Variants in ATRNL1 observed in about 807,000 individuals in gnomAD.
ATRNL1 encodes attractin like 1.
In ATRNL1, 95 loss-of-function variants were observed where a neutral mutation model predicts 182.7. The observed-to-expected ratio is 0.52, with a 90% CI of 0.44 to 0.62. The LOEUF is 0.62. Ranked by LOEUF, ATRNL1 falls within the 20% of genes least tolerant of loss-of-function variation. The pLI is 0.00. For synonymous variants in ATRNL1, 576 were observed against 568.3 expected (o/e 1.01, Z -0.19); for missense variants, 1,471 against 1,679.5 (o/e 0.88, Z 2.17).
chr10:115,261,596 C>T (rs143792844), intron 10 of ATRNL1, among the ~76,000 whole-genome samples: 1 of 152,086 alleles, frequency 6.6e-6, no homozygotes, highest in East Asian at 1.9e-4. Flanking sequence ...GGAGAAATAG[C>T]AGTAGATATA....
At chr10:115,789,801 A>G (rs2134208313) in intron 27 of ATRNL1, among the ~76,000 whole-genome samples, 1 of 152,324 alleles carries the variant, frequency 6.6e-6, no homozygotes. Flanking sequence ...TCGAAGTAAA[A>G]GTCAAAACAA....
intron 18 of ATRNL1, among the ~76,000 whole-genome samples, chr10:115,332,776 T>G (rs1020525348): frequency 4.3e-4 from 65 of 152,210 alleles, no homozygotes; most frequent in Non-Finnish European, 3.2e-4. Context: ...CCTCTCACTT[T>G]CAGATTTTCT....
At chr10:115,851,847 A>G (rs1951064559) in intron 28 of ATRNL1, among the ~76,000 whole-genome samples, 2 of 152,102 alleles carry the variant, frequency 1.3e-5, no homozygotes, top group Non-Finnish European at 2.9e-5. Flanking sequence ...TTCTGACCTC[A>G]AAGTGGTTGA....
intron 26 of ATRNL1, among the ~76,000 whole-genome samples, chr10:115,646,446 C>T (rs1249681421): frequency 6.6e-6 from 1 of 151,974 alleles, no homozygotes; most frequent in Non-Finnish European, 1.5e-5. Flanking sequence ...GCTTCATTTT[C>T]TAGACTCTAC....
intron 21 of ATRNL1, among the ~76,000 whole-genome samples, chr10:115,451,094 C>G (rs1847258802): frequency 6.6e-6 from 1 of 152,144 alleles, no homozygotes; most frequent in Non-Finnish European, 1.5e-5. Context: ...TGGACCCCTT[C>G]CTTACACCAT....
chr10:115,562,045 C>A (rs1482222221), intron 26 of ATRNL1, among the ~76,000 whole-genome samples: 1 of 151,934 alleles, frequency 6.6e-6, no homozygotes, highest in Admixed American at 6.6e-5. Context: ...AAAATGAAAA[C>A]GTAGGTCTAT....
intron 28 of ATRNL1, among the ~76,000 whole-genome samples, chr10:115,861,661 G>A (rs1243091270): frequency 6.6e-6 from 1 of 152,120 alleles, no homozygotes; most frequent in Non-Finnish European, 1.5e-5. Context: ...AGTCTTAGTA[G>A]TCATTTCGCA....
At chr10:115,593,345 A>G (rs920914947) in intron 26 of ATRNL1, among the ~76,000 whole-genome samples, 1 of 152,212 alleles carries the variant, frequency 6.6e-6, no homozygotes, top group Non-Finnish European at 1.5e-5. Context: ...CCCAAAATCT[A>G]TACAAAACTA....
intron 1 of ATRNL1, among the ~76,000 whole-genome samples, chr10:115,104,655 GTAGTAGTTTCA>G (rs1210444208): frequency 1.3e-5 from 2 of 152,004 alleles, no homozygotes; most frequent in Non-Finnish European, 2.9e-5. Flanking sequence ...TCCCAATGTT[GTAGTAGTTTCA>G]TAGTTTGAGG....
chr10:115,345,489 G>A (rs1855935981), intron 19 of ATRNL1, among the ~76,000 whole-genome samples: 1 of 152,194 alleles, frequency 6.6e-6, no homozygotes, highest in South Asian at 2.1e-4. Flanking sequence ...GGAGAGGGCT[G>A]ATGTTGGCAA....
chr10:115,262,181 T>C (rs1851421877), intron 10 of ATRNL1, among the ~76,000 whole-genome samples: 1 of 151,618 alleles, frequency 6.6e-6, no homozygotes, highest in African/African-American at 2.4e-5. Flanking sequence ...TGGATTTTTT[T>C]TTTTTTTGAT....
chr10:115,341,814 T>C (rs1238254506), intron 19 of ATRNL1, among the ~76,000 whole-genome samples: 2 of 152,158 alleles, frequency 1.3e-5, no homozygotes, highest in African/African-American at 4.8e-5. Flanking sequence ...ATCTGTTTTG[T>C]TTGATGTAAG....
At chr10:115,283,497 AAGCCTTTAAACAGTGCGATGTGCAT>A (rs1852467937) in intron 14 of ATRNL1, among the ~76,000 whole-genome samples, 1 of 152,190 alleles carries the variant, frequency 6.6e-6, no homozygotes, top group Non-Finnish European at 1.5e-5. Context: ...CTGGCCCTTA[AAGCCTTTAAACAGTGCGATGTGCAT>A]GTGTGCTCAT....
chr10:115,154,309 G>T (rs1176391446), intron 5 of ATRNL1, among the ~76,000 whole-genome samples: 1 of 151,986 alleles, frequency 6.6e-6, no homozygotes, highest in Non-Finnish European at 1.5e-5. Flanking sequence ...TGACAGTGGG[G>T]TGTTAAAGTC....
At position 115,300,381 on chromosome 10, in the gene ATRNL1, T is replaced by G. The variant is rs1853412298; in HGVS notation, c.2629+134T>G. 4.7e-6 allele frequency: 3 copies of G among 633,808 alleles called. No homozygotes were observed. The African/African-American group carries it at 5.6e-5, about 12-fold the overall frequency. The allele number at this position is 633,808 out of a possible 1,614,324, so 39.3% of individuals were successfully genotyped here. ...ATTTTTATACACATTCTTCCCCACT[T>G]ACTATTAGTGATCTCAGCATTAACT... On this transcript the variant is annotated intron_variant, in intron 16 of 28. Transcript: ENST00000355044.
intron 26 of ATRNL1, among the ~76,000 whole-genome samples, chr10:115,709,794 C>T (rs1313368059): frequency 1.3e-5 from 2 of 151,988 alleles, no homozygotes; most frequent in Non-Finnish European, 2.9e-5. Flanking sequence ...TCCTTTGTCT[C>T]ACAGACATCT....
In ATRNL1 at chr10:115,394,730, A is replaced by G; in HGVS notation, c.3247A>G (p.Ile1083Val). 6.2e-7 allele frequency: 1 copy of G among 1,606,384 alleles called. No homozygotes were observed. Among genetic ancestry groups the G allele is most frequent in the Non-Finnish European group, 8.5e-7 (1 of 1,176,366 alleles). Residue 1083 changes from isoleucine to valine, a missense_variant, in exon 20 of 29, where the codon ATA becomes GTA. Coordinates refer to ENST00000355044, the MANE Select transcript of ATRNL1 (RefSeq NM_207303.4). The part of the protein sequence containing the change: ...TGKCFCTTKG[I>V]KGDQCQLCDS... ...AAAATGTTTCTGCACAACTAAAGGAATAAAAGGTGACCAATGCCAATTGTA... is the reference window on the plus strand; with the variant it reads ...AAAATGTTTCTGCACAACTAAAGGAGTAAAAGGTGACCAATGCCAATTGTA...
At chr10:115,279,576 A>G (rs1852264704) in intron 13 of ATRNL1, among the ~76,000 whole-genome samples, 2 of 152,228 alleles carry the variant, frequency 1.3e-5, no homozygotes, top group African/African-American at 4.8e-5. Context: ...AAGATGTTTG[A>G]TGGGCAACTG....
At chr10:115,376,747 A>G (rs1554949648) in intron 19 of ATRNL1, among the ~76,000 whole-genome samples, 1 of 152,088 alleles carries the variant, frequency 6.6e-6, no homozygotes, top group African/African-American at 2.4e-5. Context: ...GGAAATCTGG[A>G]TGTCTGTAAC....
Sources: gnomAD v4.1 joint callset for allele counts (sites outside exome capture counted in the v4.1 genomes callset) on GRCh38, gnomAD v4.1.1 for gene constraint, MANE v1.5 for transcripts, NCBI Gene and HGNC (gene_info 2026-07-23, HGNC 2026-07-21) for gene names.